Variants in SLC6A6 observed in about 807,000 individuals in gnomAD.
SLC6A6 encodes sodium- and chloride-dependent taurine transporter.
Under a neutral mutation model 68.8 loss-of-function variants are expected in SLC6A6, and 16 were observed. The ratio of observed to expected loss-of-function variants is 0.23; its 90% CI spans 0.16 to 0.35. The LOEUF (loss-of-function observed/expected upper bound fraction) is 0.35, where lower values mean the gene tolerates loss of function less well. SLC6A6 is among the 10% of genes least tolerant of loss of function. SLC6A6 has a pLI of 1.00. For synonymous variants in SLC6A6, 312 were observed against 315.4 expected (o/e 0.99, Z 0.12); for missense variants, 474 against 802.8 (o/e 0.59, Z 4.95).
intron 10 of SLC6A6, among the ~76,000 whole-genome samples, chr3:14,474,637 G>A (rs1312247603): frequency 6.6e-6 from 1 of 152,214 alleles, no homozygotes; most frequent in African/African-American, 2.4e-5. Context: ...TATAGCTGAG[G>A]AAACTGAGAC....
chr3:14,430,893 C>G (rs1468429993), intron 2 of SLC6A6, among the ~76,000 whole-genome samples: 2 of 152,186 alleles, frequency 1.3e-5, no homozygotes, highest in African/African-American at 4.8e-5. Context: ...TGTCACTGAT[C>G]TGCTATGTGG....
At chr3:14,415,601 A>C (rs1056425064) in intron 1 of SLC6A6, among the ~76,000 whole-genome samples, 2 of 152,228 alleles carry the variant, frequency 1.3e-5, no homozygotes, top group Admixed American at 1.3e-4. Context: ...GATTCCAGGA[A>C]TCCAGGAGAG....
Position 14,420,141 on chromosome 3 carries a change from A to T in SLC6A6, c.-12+3688A>T, listed in dbSNP as rs111575479. The stretch of plus-strand genomic sequence containing the variant: ...ATTATTTACTCTGGTTATAAAAGTC[A>T]TACATTTTTGAACAGGCACAGTGGC... On this transcript the variant is annotated intron_variant, in intron 2 of 14. Transcript: ENST00000622186. 8.2e-3 allele frequency among the ~76,000 whole-genome samples: 1,256 copies of T among 152,380 alleles called. 13 individuals carry two copies. The highest frequency in any genetic ancestry group is 0.028 in the African/African-American group (1,181 of 41,588).
intron 11 of SLC6A6, among the ~76,000 whole-genome samples, chr3:14,478,167 G>A (rs533039762): frequency 6.6e-6 from 1 of 152,280 alleles, no homozygotes; most frequent in African/African-American, 2.4e-5. Flanking sequence ...GCCACTCACT[G>A]AGCAGCTGGG....
At chr3:14,421,468 T>C (rs1162617141) in intron 2 of SLC6A6, among the ~76,000 whole-genome samples, 2 of 152,158 alleles carry the variant, frequency 1.3e-5, no homozygotes, top group Admixed American at 1.3e-4. Flanking sequence ...CCTTCTCTGG[T>C]TGTGAGGGTC....
intron 2 of SLC6A6, among the ~76,000 whole-genome samples, chr3:14,436,531 C>T (rs1051983330): frequency 3.6e-4 from 40 of 112,462 alleles, no homozygotes; most frequent in Non-Finnish European, 7.2e-4. Flanking sequence ...CAACAACTCC[C>T]TTTTTTTTTT....
At chr3:14,452,385 G>A (rs1326400630) in intron 5 of SLC6A6, among the ~76,000 whole-genome samples, 1 of 152,198 alleles carries the variant, frequency 6.6e-6, no homozygotes, top group Non-Finnish European at 1.5e-5. Flanking sequence ...GGGGGCCACG[G>A]GACACTGACG....
At chr3:14,425,913 G>C (rs1004587267) in intron 2 of SLC6A6, among the ~76,000 whole-genome samples, 2 of 151,794 alleles carry the variant, frequency 1.3e-5, no homozygotes, top group Non-Finnish European at 2.9e-5. Context: ...AGTAATCACG[G>C]CAGGTATGCA....
At chr3:14,449,175 C>T (rs984891369) in intron 5 of SLC6A6, among the ~76,000 whole-genome samples, 2 of 152,238 alleles carry the variant, frequency 1.3e-5, no homozygotes, top group East Asian at 1.9e-4. Flanking sequence ...AAGAAGGGGT[C>T]GGTTGCCCTC....
intron 1 of SLC6A6, among the ~76,000 whole-genome samples, chr3:14,412,941 C>A (rs897724193): frequency 6.6e-6 from 1 of 152,228 alleles, no homozygotes; most frequent in African/African-American, 2.4e-5. Context: ...GCTGGGCCAG[C>A]GCCACCTTGG....
At position 14,485,225 on chromosome 3, in the gene SLC6A6, AAG is replaced by A. The variant is rs1400957250; in HGVS notation, c.*220_*221del. On this transcript the variant is annotated 3_prime_UTR_variant, in exon 15 of 15. Coordinates refer to ENST00000622186, the MANE Select transcript of SLC6A6 (RefSeq NM_003043.6). ...TGATTTGGGGGATATTTTGTACAAA[AAG>A]AAAACCCACGGGAAGATGTCCGTGG... 4.0e-5 allele frequency: 16 copies of A among 400,114 alleles called. No homozygotes were observed. Among genetic ancestry groups the A allele is most frequent in the Non-Finnish European group, 6.7e-5 (15 of 225,552 alleles). 24.8% of individuals were successfully genotyped at this position (400,114 alleles called of 1,614,324 possible).
chr3:14,467,083 G>T (rs976391485), intron 7 of SLC6A6, among the ~76,000 whole-genome samples: 2 of 152,148 alleles, frequency 1.3e-5, no homozygotes, highest in African/African-American at 4.8e-5. Context: ...AATGGCCTTG[G>T]AGGGTCCACG....
In SLC6A6 at chr3:14,481,851, T is replaced by C. The variant is rs796804752; in HGVS notation, c.1722+10T>C. On this transcript the variant is annotated intron_variant, in intron 14 of 14. Coordinates refer to ENST00000622186, the MANE Select transcript of SLC6A6 (RefSeq NM_003043.6). The surrounding 1 kb of genome is among the most constrained non-coding windows in gnomAD (Gnocchi z 4.7). ...GGGGCCGTTCCTTGTGGTAAGTGCTTGGGCCCAGGGCCAGGGGAGGTGGGA... is the reference window on the plus strand; with the variant it reads ...GGGGCCGTTCCTTGTGGTAAGTGCTCGGGCCCAGGGCCAGGGGAGGTGGGA... 1.9e-6 allele frequency: 3 copies of C among 1,612,694 alleles called. No individual in the cohort carries two copies. Among genetic ancestry groups the C allele is most frequent in the Non-Finnish European group, 1.7e-6 (2 of 1,179,140 alleles).
In SLC6A6 at chr3:14,477,097, G is replaced by A; in HGVS notation, c.1210-108G>A. 1 of 1,031,310 alleles carries A rather than the reference G, an allele frequency of 9.7e-7. No individual in the cohort carries two copies. The highest frequency in any genetic ancestry group is 1.5e-6 in the Non-Finnish European group (1 of 685,334). 63.9% of individuals were successfully genotyped at this position (1,031,310 alleles called of 1,614,324 possible). ...CAGGCCAATTCTGGACACAAGGATG[G>A]TCACGTCTGCTCCTGCATTGTGTGT... On this transcript the variant is annotated intron_variant, in intron 10 of 14. Transcript: ENST00000622186. The surrounding 1 kb of genome is among the most constrained non-coding windows in gnomAD (Gnocchi z 4.2).
intron 2 of SLC6A6, among the ~76,000 whole-genome samples, chr3:14,418,897 C>A (rs1424998668): frequency 6.6e-6 from 1 of 152,222 alleles, no homozygotes. Flanking sequence ...CTGACTCTAG[C>A]CCACTTCCTC....
chr3:14,447,359 T>TC (rs1700149446), intron 4 of SLC6A6, among the ~76,000 whole-genome samples: 1 of 152,070 alleles, frequency 6.6e-6, no homozygotes, highest in African/African-American at 2.4e-5. Flanking sequence ...CATTGTTCTA[T>TC]CCCCCCTGCC....
intron 5 of SLC6A6, among the ~76,000 whole-genome samples, chr3:14,453,356 A>G (rs978848452): frequency 2.0e-5 from 3 of 152,238 alleles, no homozygotes; most frequent in African/African-American, 7.2e-5. Flanking sequence ...TGTATGAGAC[A>G]GACGAGGAAG....
rs759633591 is a variant in SLC6A6, at chr3:14,477,393, T to C, written c.1347+51T>C. 9 of 1,588,718 alleles carry C rather than the reference T, an allele frequency of 5.7e-6. No homozygotes were observed. The highest frequency in any genetic ancestry group is 7.8e-6 in the Non-Finnish European group (9 of 1,159,994). ...CAGGCTTGGTGCTCCAGTGCCCTCC[T>C]CAAGGCCATAGTGGAGGCAGCAGCT... On this transcript the variant is annotated intron_variant, in intron 11 of 14. Transcript: ENST00000622186. This position sits in a 1 kb window ranked among gnomAD's most constrained non-coding sequence, Gnocchi z 4.2.
chr3:14,407,614 C>T (rs1050623575), intron 1 of SLC6A6, among the ~76,000 whole-genome samples: 6 of 152,040 alleles, frequency 3.9e-5, no homozygotes, highest in African/African-American at 1.2e-4. Flanking sequence ...AGATGATCCT[C>T]CCACCTCACT....
Sources: allele counts gnomAD v4.1 joint callset (sites outside exome capture counted in the v4.1 genomes callset), GRCh38; gene constraint gnomAD v4.1.1; non-coding constraint Gnocchi (gnomAD v3.1); transcripts MANE v1.5; gene names NCBI Gene and HGNC (gene_info 2026-07-23, HGNC 2026-07-21).